Variants in KLF8 observed in about 807,000 individuals in gnomAD.
KLF8 encodes the protein Krueppel-like factor 8.
KLF8 carries 10 observed loss-of-function variants against 18.2 expected under a neutral mutation model. The ratio of observed to expected loss-of-function variants is 0.55; its 90% CI spans 0.34 to 0.93. The LOEUF is 0.93. Among genes scored for constraint, KLF8 ranks in the 40% least tolerant of loss-of-function variants. The pLI is 0.02. For missense variants in KLF8, 264 were observed against 277.9 expected (o/e 0.95, Z 0.36); for synonymous variants, 109 against 97.3 (o/e 1.12, Z -0.71).
chrX:56,135,489 G>C, the KLF8 span, among the ~76,000 whole-genome samples: 2 of 110,201 alleles, frequency 1.8e-5, no homozygotes, highest in South Asian at 7.8e-4. Flanking sequence ...CTCATAGGTG[G>C]GAATTGAACA....
Position 56,289,492 on chromosome X carries a change from T to C in KLF8, c.*4998T>C, listed in dbSNP as rs1382487177. On this transcript the variant is annotated 3_prime_UTR_variant, in exon 6 of 6. Coordinates refer to ENST00000468660, the MANE Select transcript of KLF8 (RefSeq NM_007250.5). ...AGCAAGGAAACATATGTGTGTATAC[T>C]ATCCTATGTATATGCACATTCTATA... Among the ~76,000 whole-genome samples, 2 of 112,123 alleles carry C rather than the reference T, an allele frequency of 1.8e-5. No individual in the cohort carries two copies. The highest frequency in any genetic ancestry group is 3.8e-5 in the Non-Finnish European group (2 of 53,254).
At chrX:56,023,637 G>A in the KLF8 span, among the ~76,000 whole-genome samples, 4 of 106,607 alleles carry the variant, frequency 3.8e-5, no homozygotes, top group African/African-American at 1.4e-4. Context: ...TATATACACT[G>A]GTATTCATAC....
the KLF8 span, among the ~76,000 whole-genome samples, chrX:56,158,902 G>T: frequency 1.8e-5 from 2 of 111,147 alleles, no homozygotes; most frequent in Non-Finnish European, 3.8e-5. Context: ...TGATTGCCCT[G>T]GCCAGAACTT....
chrX:56,208,453 C>A, the KLF8 span, among the ~76,000 whole-genome samples: 3 of 110,947 alleles, frequency 2.7e-5, no homozygotes, highest in Non-Finnish European at 1.9e-5. Context: ...CTTTTTTATG[C>A]TTTAATTTTA....
chrX:56,079,591 TGTG>T, the KLF8 span, among the ~76,000 whole-genome samples: 1 of 111,624 alleles, frequency 9.0e-6, no homozygotes, highest in African/African-American at 3.3e-5. Context: ...ATAGGTGTGG[TGTG>T]GTGCTGAAAA....
chrX:56,074,060 A>G, the KLF8 span, among the ~76,000 whole-genome samples: 1 of 111,754 alleles, frequency 8.9e-6, no homozygotes, highest in African/African-American at 3.3e-5. Flanking sequence ...GATGTTTAAC[A>G]TTTGTTCATG....
At chrX:56,270,377 CACACGA>C in intron 5 of KLF8, 56 bp downstream of exon 5, 1 of 975,878 alleles carries the variant, frequency 1.0e-6, no homozygotes, top group Admixed American at 3.2e-5. Flanking sequence ...CACACACACA[CACACGA>C]GAGAGAGAGA....
At chrX:56,042,241 T>A in the KLF8 span, among the ~76,000 whole-genome samples, 2 of 109,366 alleles carry the variant, frequency 1.8e-5, no homozygotes, top group African/African-American at 7.1e-5. Flanking sequence ...TGAGAGGCTG[T>A]TTGTTATGAT....
chrX:56,049,249 GC>G, the KLF8 span, among the ~76,000 whole-genome samples: 3 of 111,061 alleles, frequency 2.7e-5, no homozygotes, highest in Admixed American at 2.9e-4. Context: ...CTAACTGAAT[GC>G]CCTTTATTGC....
the KLF8 span, among the ~76,000 whole-genome samples, chrX:56,030,610 G>A: frequency 1.1e-4 from 12 of 109,930 alleles, no homozygotes; most frequent in Non-Finnish European, 9.5e-5. Context: ...TCTCTCAGGG[G>A]CATTTGTGTT....
the KLF8 span, among the ~76,000 whole-genome samples, chrX:55,957,790 A>C: frequency 9.0e-6 from 1 of 111,646 alleles, no homozygotes; most frequent in Non-Finnish European, 1.9e-5. Context: ...ATTTCTATGC[A>C]GAATATTATT....
the KLF8 span, among the ~76,000 whole-genome samples, chrX:56,080,824 AT>A: frequency 2.7e-5 from 3 of 110,677 alleles, no homozygotes; most frequent in Middle Eastern, 4.6e-3. Flanking sequence ...ATAGTCCCAT[AT>A]TTCTTGGAGG....
the KLF8 span, among the ~76,000 whole-genome samples, chrX:56,082,369 G>C: frequency 9.1e-6 from 1 of 110,282 alleles, no homozygotes; most frequent in Non-Finnish European, 1.9e-5. Context: ...TCTGACTAAA[G>C]GTTTGTCAAT....
the KLF8 span, among the ~76,000 whole-genome samples, chrX:56,047,268 T>G: frequency 9.0e-6 from 1 of 110,601 alleles, no homozygotes; most frequent in Non-Finnish European, 1.9e-5. Flanking sequence ...TTTTTTCGTT[T>G]TTTTATTATT....
the KLF8 span, among the ~76,000 whole-genome samples, chrX:56,004,925 T>C: frequency 9.0e-6 from 1 of 111,544 alleles, no homozygotes; most frequent in Non-Finnish European, 1.9e-5. Context: ...ATATGTAAGC[T>C]AGTCCACAAA....
At chrX:56,210,172 T>C in the KLF8 span, among the ~76,000 whole-genome samples, 1 of 112,198 alleles carries the variant, frequency 8.9e-6, no homozygotes, top group Non-Finnish European at 1.9e-5. Flanking sequence ...TTATTGCTCA[T>C]TAATGTCCTT....
chrX:56,188,776 T>A, the KLF8 span, among the ~76,000 whole-genome samples: 1 of 111,995 alleles, frequency 8.9e-6, no homozygotes, highest in African/African-American at 3.2e-5. Context: ...GGGAAAGAAT[T>A]CCGTATTTAA....
chrX:56,025,264 C>T, the KLF8 span, among the ~76,000 whole-genome samples: 4 of 112,424 alleles, frequency 3.6e-5, no homozygotes, highest in Middle Eastern at 4.2e-3. Context: ...AGAGCGTTTT[C>T]GAACCTCTCC....
At chrX:55,987,805 A>C in the KLF8 span, among the ~76,000 whole-genome samples, 42 of 112,198 alleles carry the variant, frequency 3.7e-4, no homozygotes, top group African/African-American at 1.3e-3. Context: ...GAACTAGTTT[A>C]CAGTCCCACC....
Sources: allele counts gnomAD v4.1 joint callset (sites outside exome capture counted in the v4.1 genomes callset), GRCh38; gene constraint gnomAD v4.1.1; transcripts MANE v1.5; gene names NCBI Gene and HGNC (gene_info 2026-07-23, HGNC 2026-07-21).